Variants in MAF observed in about 807,000 individuals in gnomAD.
MAF encodes the protein transcription factor Maf.
In MAF, 10 loss-of-function variants were observed where a neutral mutation model predicts 22.0. That is an observed-to-expected ratio of 0.45 (90% CI 0.28 to 0.77). The LOEUF (loss-of-function observed/expected upper bound fraction) is 0.77. Among genes scored for constraint, MAF ranks in the 30% least tolerant of loss-of-function variants. The pLI is 0.12. For synonymous variants in MAF, 337 were observed against 255.8 expected, an observed-to-expected ratio of 1.32 and a Z score of -3.03; for missense variants, 544 against 548.4, an observed-to-expected ratio of 0.99 and a Z score of 0.08.
intron 1 of MAF, chr16:79,598,574 G>GGT (rs1164176144): frequency 7.0e-7 from 1 of 1,423,862 alleles, no homozygotes; most frequent in Non-Finnish European, 9.2e-7. Context: ...ACTCGAGCAG[G>GGT]GTGTGGGGTG....
the MAF span, among the ~76,000 whole-genome samples, chr16:79,570,923 C>T: frequency 2.0e-5 from 3 of 152,086 alleles, no homozygotes; most frequent in Admixed American, 6.5e-5. Flanking sequence ...TAACAGATGC[C>T]GCCTGGGTTC....
At chr16:79,538,700 C>T in the MAF span, among the ~76,000 whole-genome samples, 3 of 152,078 alleles carry the variant, frequency 2.0e-5, no homozygotes, top group East Asian at 5.8e-4. Flanking sequence ...GTGGCACATG[C>T]TTGTGGTCCC....
chr16:79,282,801 G>C, the MAF span, among the ~76,000 whole-genome samples: 693 of 152,182 alleles, frequency 4.6e-3, no homozygotes, highest in Non-Finnish European at 7.0e-3. Context: ...GTATTTTATC[G>C]CCTGAGGAGA....
chr16:79,275,764 G>C, the MAF span, among the ~76,000 whole-genome samples: 21,517 of 152,184 alleles, frequency 0.14, 1,626 homozygotes, highest in Middle Eastern at 0.24. Flanking sequence ...GGAAAGGCAA[G>C]AGGAGAACCA....
At chr16:79,212,160 A>C in the MAF span, 1 of 1,494,010 alleles carries the variant, frequency 6.7e-7, no homozygotes, top group Non-Finnish European at 8.9e-7. Flanking sequence ...TCCAGCTACC[A>C]CCACGGCCAC....
the MAF span, among the ~76,000 whole-genome samples, chr16:79,282,235 G>A: frequency 6.6e-6 from 1 of 152,182 alleles, no homozygotes; most frequent in Non-Finnish European, 1.5e-5. Flanking sequence ...GTTTCAAAGT[G>A]GAATGGAGAC....
chr16:79,211,034 AGTGT>A, the MAF span, among the ~76,000 whole-genome samples: 206 of 149,698 alleles, frequency 1.4e-3, 1 homozygote, highest in East Asian at 8.1e-3. Flanking sequence ...TATGGTGAGG[AGTGT>A]GTGTGTGTGT....
the MAF span, among the ~76,000 whole-genome samples, chr16:79,513,181 C>T: frequency 2.6e-5 from 4 of 152,354 alleles, no homozygotes; most frequent in South Asian, 2.1e-4. Context: ...ATAGCCCGGG[C>T]GACAGCCCCT....
rs1230753490 is a variant in MAF, at chr16:79,598,457, A to T, written c.1118+328T>A. The T allele has an allele frequency of 1.9e-5, 18 of 946,124 alleles. No individual in the cohort carries two copies. In the African/African-American group the frequency reaches 3.2e-4, roughly 17 times the overall value. The allele number at this position is 946,124 out of a possible 1,614,324, so 58.6% of individuals were successfully genotyped here. ...TCCGGGGGTGGGGCGGGGGGGTGTA[A>T]AAAAAAAAAAAAAACAAGCTAGCAA... On this transcript the variant is annotated intron_variant, in intron 1 of 1. Transcript: ENST00000326043.
downstream of MAF, among the ~76,000 whole-genome samples, chr16:79,591,552 G>C (rs1472311630): frequency 3.9e-5 from 6 of 152,322 alleles, no homozygotes; most frequent in East Asian, 1.2e-3. Context: ...GCTCAATAGA[G>C]GCTACGATTT....
At chr16:79,208,981 G>T in the MAF span, among the ~76,000 whole-genome samples, 2 of 152,150 alleles carry the variant, frequency 1.3e-5, no homozygotes, top group Non-Finnish European at 2.9e-5. Flanking sequence ...TTTGCCAAAG[G>T]TGGACGATTG....
At chr16:79,317,375 T>C in the MAF span, among the ~76,000 whole-genome samples, 29 of 131,068 alleles carry the variant, frequency 2.2e-4, no homozygotes, top group African/African-American at 6.7e-4. Flanking sequence ...TTTTCTCCCT[T>C]CTTCCTTCCT....
chr16:79,217,495 C>T, the MAF span, among the ~76,000 whole-genome samples: 5 of 152,310 alleles, frequency 3.3e-5, no homozygotes, highest in East Asian at 1.9e-4. Context: ...TGCCATTTAT[C>T]CAGCAATATT....
chr16:79,352,814 C>G, the MAF span, among the ~76,000 whole-genome samples: 5 of 152,130 alleles, frequency 3.3e-5, no homozygotes, highest in African/African-American at 1.2e-4. Flanking sequence ...CACCCTCACC[C>G]AAGTTGTGAT....
the MAF span, among the ~76,000 whole-genome samples, chr16:79,425,485 G>T: frequency 6.6e-6 from 1 of 152,198 alleles, no homozygotes; most frequent in East Asian, 1.9e-4. Context: ...CTGTCTTGGG[G>T]TGGGAACTGA....
the MAF span, among the ~76,000 whole-genome samples, chr16:79,242,025 A>G: frequency 3.3e-5 from 5 of 152,064 alleles, no homozygotes; most frequent in African/African-American, 1.2e-4. Context: ...CCTGCCTTAC[A>G]AGAGCTCCTG....
the MAF span, among the ~76,000 whole-genome samples, chr16:79,360,663 G>C: frequency 6.6e-6 from 1 of 152,200 alleles, no homozygotes; most frequent in Admixed American, 6.5e-5. Context: ...ACCAGACTCA[G>C]TCTATAAGAG....
the MAF span, among the ~76,000 whole-genome samples, chr16:79,274,525 G>A: frequency 1.3e-5 from 2 of 152,034 alleles, no homozygotes; most frequent in African/African-American, 2.4e-5. Flanking sequence ...ATGGACTTTC[G>A]GGTCCTCAGT....
chr16:79,526,347 G>A, the MAF span, among the ~76,000 whole-genome samples: 19 of 152,254 alleles, frequency 1.2e-4, no homozygotes, highest in South Asian at 3.7e-3. Flanking sequence ...AATAGGGTTC[G>A]TGCACCTATG....
Sources: gnomAD v4.1 joint callset for allele counts (sites outside exome capture counted in the v4.1 genomes callset) on GRCh38, gnomAD v4.1.1 for gene constraint, MANE v1.5 for transcripts, NCBI Gene and HGNC (gene_info 2026-07-23, HGNC 2026-07-21) for gene names.